MAPKBP1: variants seen among roughly 807,000 people sequenced by gnomAD.
The protein encoded by MAPKBP1 is mitogen-activated protein kinase binding protein 1, also known as mitogen-activated protein kinase-binding protein 1.
In MAPKBP1, 71 loss-of-function variants were observed where a neutral mutation model predicts 170.5. The ratio of observed to expected loss-of-function variants is 0.42; its 90% CI spans 0.34 to 0.51. The LOEUF is 0.51. Among genes scored for constraint, MAPKBP1 ranks in the 20% least tolerant of loss-of-function variants. MAPKBP1 has a pLI of 0.06. For missense variants in MAPKBP1, 1,598 were observed against 1,933.0 expected, an observed-to-expected ratio of 0.83 and a Z score of 3.25; for synonymous variants, 719 against 757.9, an observed-to-expected ratio of 0.95 and a Z score of 0.84.
In MAPKBP1 at chr15:41,816,986, G is replaced by A; in HGVS notation, c.1662G>A (p.Gln554=). The change falls in exon 14 of 31, where the codon CAG becomes CAA. Residue 554 remains glutamine (Q), a synonymous_variant. Transcript: ENST00000457542. The part of the protein sequence containing the change: ...VLDAGREYSL[Q]QTLDEHSSSI... ...ATGCCGGGCGGGAGTACAGCCTACAGCAGACGCTGGACGAACACTCATCCT... is the reference window on the plus strand; with the variant it reads ...ATGCCGGGCGGGAGTACAGCCTACAACAGACGCTGGACGAACACTCATCCT... The A allele has an allele frequency of 6.2e-7, 1 of 1,611,462 alleles. No homozygotes were observed. The highest frequency in any genetic ancestry group is 8.5e-7 in the Non-Finnish European group (1 of 1,178,158).
chr15:41,793,939 C>T (rs545373894), intron 2 of MAPKBP1, among the ~76,000 whole-genome samples: 5 of 152,060 alleles, frequency 3.3e-5, no homozygotes, highest in African/African-American at 4.8e-5. Flanking sequence ...TAAATACAAA[C>T]ACAGATATTT....
At chr15:41,803,760 C>T (rs2064642781) in intron 3 of MAPKBP1, among the ~76,000 whole-genome samples, 1 of 152,076 alleles carries the variant, frequency 6.6e-6, no homozygotes. Flanking sequence ...GGTAACATAG[C>T]TAGTGTGTGT....
Position 41,775,175 on chromosome 15 carries a change from G to A in MAPKBP1, c.-101G>A, listed in dbSNP as rs1046896027. On this transcript the variant is annotated 5_prime_UTR_variant, in exon 2 of 31. Coordinates refer to ENST00000457542, the MANE Select transcript of MAPKBP1 (RefSeq NM_014994.3). The stretch of plus-strand genomic sequence containing the variant: ...GGCTTCTGCCATCTCAGGTCAGTGA[G>A]AGGGCATACTGGGAAGCCCTCTGGA... 18 of 849,866 alleles carry A rather than the reference G, an allele frequency of 2.1e-5. No homozygotes were observed. In the African/African-American group the frequency reaches 2.3e-4, roughly 11 times the overall value. The allele number at this position is 849,866 out of a possible 1,614,324, so 52.6% of individuals were successfully genotyped here.
intron 2 of MAPKBP1, among the ~76,000 whole-genome samples, chr15:41,792,717 G>A (rs1173009722): frequency 6.6e-6 from 1 of 152,156 alleles, no homozygotes. Flanking sequence ...GTATTTCATC[G>A]GCATTTGGGC....
chr15:41,795,821 G>C (rs2064478405), intron 2 of MAPKBP1, among the ~76,000 whole-genome samples: 1 of 152,136 alleles, frequency 6.6e-6, no homozygotes, highest in Non-Finnish European at 1.5e-5. Context: ...CTGTTAGCCA[G>C]CATGGTCTCG....
intron 3 of MAPKBP1, among the ~76,000 whole-genome samples, chr15:41,806,199 A>G (rs2064688032): frequency 6.6e-6 from 1 of 152,236 alleles, no homozygotes; most frequent in African/African-American, 2.4e-5. Flanking sequence ...AGTGTAAGTT[A>G]TAAGCGTGAT....
In MAPKBP1 at chr15:41,821,610, T is replaced by C. The variant is rs1029283108; in HGVS notation, c.2745T>C (p.Ala915=). The C allele has an allele frequency of 6.2e-7, 1 of 1,613,934 alleles. No individual in the cohort carries two copies. The highest frequency in any genetic ancestry group is 1.3e-5 in the African/African-American group (1 of 74,974). ...ATGAAAAGCCCCCTCGGCCTCAGGCTTCCCAACCTTGTTCCTATCCCCATA... is the reference window on the plus strand; with the variant it reads ...ATGAAAAGCCCCCTCGGCCTCAGGCCTCCCAACCTTGTTCCTATCCCCATA... ...SQNEKPPRPQ[A]SQPCSYPHII... is the part of the protein sequence containing the mutation. Residue 915 remains alanine, a synonymous_variant, in exon 24 of 31, where the codon GCT becomes GCC. Coordinates refer to ENST00000457542, the MANE Select transcript of MAPKBP1 (RefSeq NM_014994.3).
At chr15:41,824,973 T>C in intron 30 of MAPKBP1, 1 of 489,824 alleles carries the variant, frequency 2.0e-6, no homozygotes. Flanking sequence ...TCTGCCGGAG[T>C]TGTCATAAGG....
chr15:41,789,329 CTGCA>C (rs1417507266), intron 2 of MAPKBP1, among the ~76,000 whole-genome samples: 2 of 151,778 alleles, frequency 1.3e-5, no homozygotes, highest in Non-Finnish European at 2.9e-5. Flanking sequence ...CACCCGAATT[CTGCA>C]TGCTTACATT....
chr15:41,816,716 C>T lies in MAPKBP1; in HGVS notation c.1585+66C>T, dbSNP rs2064898246. On this transcript the variant is annotated intron_variant, in intron 13 of 30. Transcript: ENST00000457542. ...CTGCCGGTGCCACTTATATCTGTCC[C>T]GGCTCTTGGACGTGGGGTCGGTAAT... 17 of 1,511,276 alleles carry T rather than the reference C, an allele frequency of 1.1e-5. 1 individual carries two copies. The highest frequency in any genetic ancestry group is 2.2e-5 in the South Asian group (2 of 88,898). 93.6% of individuals were successfully genotyped at this position (1,511,276 alleles called of 1,614,324 possible). A position where few individuals can be genotyped will look rare whatever the true frequency, so the allele number is the denominator to read the frequency against.
rs554463370 is a variant in MAPKBP1, at chr15:41,786,580, C to T, written c.114+11191C>T. ...GAGATAGAGACCATTGTGGCTAACA[C>T]GGTGAAACCCCGTCTCTACTAAAAA... On this transcript the variant is annotated intron_variant, in intron 2 of 30. Transcript: ENST00000457542. Among the ~76,000 whole-genome samples the T allele has an allele frequency of 2.3e-3, 339 of 150,620 alleles. 1 individual carries two copies. The highest frequency in any genetic ancestry group is 7.7e-3 in the African/African-American group (314 of 40,938).
chr15:41,825,188 C>A, intron 30 of MAPKBP1, 21 bp from the exon 31 acceptor site: 1 of 1,564,700 alleles, frequency 6.4e-7, no homozygotes, highest in Non-Finnish European at 8.7e-7. Context: ...CTCCACCTCA[C>A]TTCTGGGGGT....
At chr15:41,784,028 TC>T (rs2064237234) in intron 2 of MAPKBP1, among the ~76,000 whole-genome samples, 1 of 152,044 alleles carries the variant, frequency 6.6e-6, no homozygotes, top group Admixed American at 6.6e-5. Context: ...AAACTCTGAT[TC>T]TTGCACCTCT....
At chr15:41,799,551 A>G (rs2064554283) in intron 2 of MAPKBP1, among the ~76,000 whole-genome samples, 1 of 152,136 alleles carries the variant, frequency 6.6e-6, no homozygotes, top group African/African-American at 2.4e-5. Flanking sequence ...CTCTGTGGCC[A>G]TGAGTTATGC....
At position 41,813,656 on chromosome 15, in the gene MAPKBP1, C is replaced by A. The variant is rs1381566012; in HGVS notation, c.855C>A (p.Asp285Glu). 1 of 1,614,030 alleles carries A rather than the reference C, an allele frequency of 6.2e-7. No individual in the cohort carries two copies. Among genetic ancestry groups the A allele is most frequent in the African/African-American group, 1.3e-5 (1 of 74,924 alleles). Residue 285 changes from aspartate (D) to glutamate (E), a missense_variant, in exon 9 of 31, where the codon GAC (aspartate) becomes GAA (glutamate). Transcript: ENST00000457542. ...TVAHCISVSQDYIFCGCADGT... is the reference protein window; with the variant it reads ...TVAHCISVSQEYIFCGCADGT... ...CCCACTGCATCTCTGTGAGCCAAGACTACATCTTCTGTGGCTGTGCTGATG... is the reference window on the plus strand; with the variant it reads ...CCCACTGCATCTCTGTGAGCCAAGAATACATCTTCTGTGGCTGTGCTGATG...
intron 3 of MAPKBP1, 166 bp from the exon 4 acceptor site, chr15:41,810,717 C>CAA (rs58612719): frequency 8.8e-4 from 381 of 431,316 alleles, no homozygotes; most frequent in East Asian, 5.6e-3. Context: ...GATCCTGTCT[C>CAA]AAAAAAAAAA....
At position 41,817,974 on chromosome 15, in the gene MAPKBP1, G is replaced by T; in HGVS notation, c.1905-35G>T. ...CCCCCAGGCGTGTTCCACCTTCACC[G>T]CCTCCTCATGAGAAAGAGACTATGT... On this transcript the variant is annotated intron_variant, in intron 16 of 30. Transcript: ENST00000457542. This position sits in a 1 kb window ranked among gnomAD's most constrained non-coding sequence, Gnocchi z 4.2. 6.2e-7 allele frequency: 1 copy of T among 1,605,198 alleles called. No individual in the cohort carries two copies. The highest frequency in any genetic ancestry group is 8.5e-7 in the Non-Finnish European group (1 of 1,172,042).
intron 5 of MAPKBP1, chr15:41,811,653 A>C: frequency 1.6e-6 from 1 of 632,248 alleles, no homozygotes; most frequent in Non-Finnish European, 2.9e-6. Context: ...GCAGAAATAG[A>C]CCTGAGTGGT....
intron 2 of MAPKBP1, among the ~76,000 whole-genome samples, chr15:41,784,023 C>G (rs773767326): frequency 4.6e-4 from 70 of 152,096 alleles, no homozygotes; most frequent in Non-Finnish European, 7.8e-4. Context: ...AAAAGAAACT[C>G]TGATTCTTGC....
Sources: allele counts gnomAD v4.1 joint callset (sites outside exome capture counted in the v4.1 genomes callset), GRCh38; gene constraint gnomAD v4.1.1; non-coding constraint Gnocchi (gnomAD v3.1); transcripts MANE v1.5; gene names NCBI Gene and HGNC (gene_info 2026-07-23, HGNC 2026-07-21).